Variants in FNIP1 observed in about 807,000 individuals in gnomAD.
The protein encoded by FNIP1 is folliculin-interacting protein 1.
A neutral mutation model predicts 124.5 loss-of-function variants in FNIP1; 40 were observed. The observed-to-expected ratio is 0.32, with a 90% CI of 0.25 to 0.42. The LOEUF (loss-of-function observed/expected upper bound fraction) is 0.42. FNIP1 is among the 10% of genes least tolerant of loss of function. The pLI is 1.00. For synonymous variants in FNIP1, 472 were observed against 470.6 expected (o/e 1.00, Z -0.04); for missense variants, 1,176 against 1,403.7 (o/e 0.84, Z 2.59).
intron 1 of FNIP1, among the ~76,000 whole-genome samples, chr5:131,764,744 A>G (rs1276299878): frequency 6.6e-6 from 1 of 152,150 alleles, no homozygotes. Context: ...TGCATCAATT[A>G]TTTACTGTTT....
intron 15 of FNIP1, among the ~76,000 whole-genome samples, chr5:131,664,984 ATTGTG>A: frequency 6.6e-6 from 1 of 151,674 alleles, no homozygotes; most frequent in South Asian, 2.1e-4. Flanking sequence ...CTGTGTAAAT[ATTGTG>A]TATTTACACA....
At chr5:131,768,504 G>A (rs1400863283) in intron 1 of FNIP1, among the ~76,000 whole-genome samples, 1 of 151,182 alleles carries the variant, frequency 6.6e-6, no homozygotes, top group African/African-American at 2.4e-5. Flanking sequence ...CTTGTATAAT[G>A]TGACTTATTT....
intron 1 of FNIP1, among the ~76,000 whole-genome samples, chr5:131,765,646 C>T (rs560285496): frequency 1.3e-5 from 2 of 152,322 alleles, no homozygotes; most frequent in South Asian, 2.1e-4. Context: ...GATGTCTTCA[C>T]TTTAAGTATC....
intron 2 of FNIP1, among the ~76,000 whole-genome samples, chr5:131,743,097 AT>A (rs908139352): frequency 1.3e-4 from 20 of 152,328 alleles, no homozygotes; most frequent in Non-Finnish European, 1.8e-4. Context: ...AATTATGAGA[AT>A]TCTGATGGAG....
At chr5:131,747,294 T>C (rs902435916) in intron 1 of FNIP1, among the ~76,000 whole-genome samples, 8 of 152,324 alleles carry the variant, frequency 5.3e-5, no homozygotes, top group African/African-American at 1.9e-4. Flanking sequence ...TGTGAAACTA[T>C]GTGTAACCGG....
chr5:131,700,811 T>C (rs1768873763), intron 10 of FNIP1, among the ~76,000 whole-genome samples: 1 of 152,180 alleles, frequency 6.6e-6, no homozygotes. Flanking sequence ...CACTATTATA[T>C]TCTATTCTTA....
chr5:131,650,843 A>G (rs996298512), intron 16 of FNIP1, among the ~76,000 whole-genome samples: 4 of 152,218 alleles, frequency 2.6e-5, no homozygotes, highest in African/African-American at 9.6e-5. Flanking sequence ...AAGAACCTTG[A>G]AAGTTGGAAA....
chr5:131,727,010 A>C (rs1046801787), intron 3 of FNIP1, among the ~76,000 whole-genome samples: 1 of 152,150 alleles, frequency 6.6e-6, no homozygotes, highest in South Asian at 2.1e-4. Context: ...TTGGTCTGAG[A>C]GACTGTTTGT....
intron 1 of FNIP1, among the ~76,000 whole-genome samples, chr5:131,793,281 G>A (rs151201798): frequency 4.9e-4 from 75 of 152,060 alleles, no homozygotes; most frequent in African/African-American, 1.8e-3. Flanking sequence ...CACTCCTCCC[G>A]CCATGGGCCT....
chr5:131,678,319 C>A lies in FNIP1; in HGVS notation c.1350-447G>T, dbSNP rs554923213. 3.3e-5 allele frequency among the ~76,000 whole-genome samples: 5 copies of A among 152,236 alleles called. No homozygotes were observed. In the East Asian group the frequency reaches 9.6e-4, roughly 29 times the overall value. ...AACAACTGAATTATTCATCTGGATT[C>A]CAAAGACTTGAATAGTTAAAATAAT... On this transcript the variant is annotated intron_variant, in intron 12 of 17. Coordinates refer to ENST00000510461, the MANE Select transcript of FNIP1 (RefSeq NM_133372.3).
At chr5:131,663,035 G>A (rs548179060) in intron 15 of FNIP1, among the ~76,000 whole-genome samples, 2 of 152,174 alleles carry the variant, frequency 1.3e-5, no homozygotes, top group South Asian at 4.1e-4. Flanking sequence ...GAGCCACCGC[G>A]GCTGGCCTGG....
intron 1 of FNIP1, among the ~76,000 whole-genome samples, chr5:131,768,633 A>G (rs1040769641): frequency 2.6e-5 from 4 of 152,084 alleles, no homozygotes; most frequent in Non-Finnish European, 5.9e-5. Context: ...ACCATGGTGA[A>G]GCCCCATCTC....
chr5:131,642,956 T>C lies in FNIP1; in HGVS notation c.*1729A>G, dbSNP rs997859466. On this transcript the variant is annotated 3_prime_UTR_variant, in exon 18 of 18. Coordinates refer to ENST00000510461, the MANE Select transcript of FNIP1 (RefSeq NM_133372.3). ...GAATTCTGCCAAAAAGATTGACTCATAGAATTCCAAAATCAGACAACTGGA... is the reference window on the plus strand; with the variant it reads ...GAATTCTGCCAAAAAGATTGACTCACAGAATTCCAAAATCAGACAACTGGA... 2.0e-5 allele frequency: 3 copies of C among 149,826 alleles called. No individual in the cohort carries two copies. The highest frequency in any genetic ancestry group is 4.9e-5 in the African/African-American group (2 of 40,624). The allele number at this position is 149,826 out of a possible 1,614,324, so 9.3% of individuals were successfully genotyped here. A position where few individuals can be genotyped will look rare whatever the true frequency, so the allele number is the denominator to read the frequency against.
At chr5:131,742,088 C>T (rs1285675950) in intron 2 of FNIP1, among the ~76,000 whole-genome samples, 1 of 152,152 alleles carries the variant, frequency 6.6e-6, no homozygotes, top group African/African-American at 2.4e-5. Flanking sequence ...GCAAGGCTCA[C>T]ATTCTAAAGC....
rs115148181 is a variant in FNIP1 at position 131,785,663 on chromosome 5, C to T, written c.92+11167G>A. Among the ~76,000 whole-genome samples the T allele has an allele frequency of 2.1e-3, 324 of 152,188 alleles. 1 individual carries two copies. Among genetic ancestry groups the T allele is most frequent in the Non-Finnish European group, 3.5e-3 (239 of 68,008 alleles). ...TCACAGACGGTACATTAACATGGGGCTTTACTATGTAATCTTTAAAAAATG... is the reference window on the plus strand; with the variant it reads ...TCACAGACGGTACATTAACATGGGGTTTTACTATGTAATCTTTAAAAAATG... On this transcript the variant is annotated intron_variant, in intron 1 of 17. Coordinates refer to ENST00000510461, the MANE Select transcript of FNIP1 (RefSeq NM_133372.3).
Position 131,672,380 on chromosome 5 carries a change from T to A in FNIP1, c.2064A>T (p.Pro688=). 1 of 1,614,230 alleles carries A rather than the reference T, an allele frequency of 6.2e-7. No individual in the cohort carries two copies. The highest frequency in any genetic ancestry group is 8.5e-7 in the Non-Finnish European group (1 of 1,180,038). ...LETVVCTGSV[P]VDKCALSESG... ...ACTCTGACAATGCACATTTGTCTAC[T>A]GGAACAGATCCTGTGCAAACAACTG... Residue 688 remains proline, a synonymous_variant, in exon 14 of 18, where the codon CCA becomes CCT. Transcript: ENST00000510461.
At chr5:131,727,013 CTGTT>C (rs1250610858) in intron 3 of FNIP1, among the ~76,000 whole-genome samples, 11 of 152,162 alleles carry the variant, frequency 7.2e-5, no homozygotes, top group African/African-American at 2.7e-4. Context: ...GTCTGAGAGA[CTGTT>C]TGTTATGATT....
rs149265323 is a variant in FNIP1, at chr5:131,730,207, T to C, written c.354+697A>G. ...GGGGGAACTGTGCAGTAAATCCAAGTGGAGTTTAGTAATTTCAGACTCTTT... is the reference window on the plus strand; with the variant it reads ...GGGGGAACTGTGCAGTAAATCCAAGCGGAGTTTAGTAATTTCAGACTCTTT... On this transcript the variant is annotated intron_variant, in intron 3 of 17. Transcript: ENST00000510461. Among the ~76,000 whole-genome samples the C allele has an allele frequency of 1.3e-3, 194 of 152,282 alleles. 2 individuals carry two copies. Among genetic ancestry groups the C allele is most frequent in the African/African-American group, 3.9e-3 (164 of 41,568 alleles).
At chr5:131,796,797 C>T in intron 1 of FNIP1, 33 bp downstream of exon 1, 2 of 1,546,460 alleles carry the variant, frequency 1.3e-6, no homozygotes, top group Non-Finnish European at 8.7e-7. Flanking sequence ...ACAAGGCCAT[C>T]GGCTCCGCGA....
Sources: gnomAD v4.1 joint callset for allele counts (sites outside exome capture counted in the v4.1 genomes callset) on GRCh38, gnomAD v4.1.1 for gene constraint, MANE v1.5 for transcripts, NCBI Gene and HGNC (gene_info 2026-07-23, HGNC 2026-07-21) for gene names.